Variants in ONECUT3 observed in about 807,000 individuals in gnomAD.
ONECUT3 encodes the protein one cut homeobox 3, also known as one cut domain family member 3.
A neutral mutation model predicts 16.8 loss-of-function variants in ONECUT3; 11 were observed. That is an observed-to-expected ratio of 0.66 (90% CI 0.41 to 1.09). The LOEUF (loss-of-function observed/expected upper bound fraction) is 1.09, where lower values mean the gene tolerates loss of function less well. Among genes scored for constraint, ONECUT3 ranks in the 50% least tolerant of loss-of-function variants. The pLI is 0.00. For missense variants in ONECUT3, 637 were observed against 629.9 expected, an observed-to-expected ratio of 1.01 and a Z score of -0.12; for synonymous variants, 344 against 310.7, an observed-to-expected ratio of 1.11 and a Z score of -1.13.
chr19:1,775,125 C>CGG, intron 1 of ONECUT3, 28 bp from the exon 2 acceptor site: 528 of 1,060,668 alleles, frequency 5.0e-4, no homozygotes, highest in Non-Finnish European at 6.3e-4. Flanking sequence ...GTGTCCCGCT[C>CGG]GCCCGCCCGC....
At position 1,758,368 on chromosome 19, in the gene ONECUT3, G is replaced by A. The variant is rs890063166; in HGVS notation, c.1192+3514G>A. Among the ~76,000 whole-genome samples, 10 of 150,820 alleles carry A rather than the reference G, an allele frequency of 6.6e-5. No individual in the cohort carries two copies. Among genetic ancestry groups the A allele is most frequent in the Admixed American group, 2.0e-4 (3 of 15,170 alleles). ...TGGGAGAGGAACTCTGGGTGCTGGA[G>A]GCTGCCTCTGTGTCCACCCCCGCCC... is the stretch of plus-strand genomic sequence containing the variant. On this transcript the variant is annotated intron_variant, in intron 1 of 1. Coordinates refer to ENST00000382349, the MANE Select transcript of ONECUT3 (RefSeq NM_001080488.2). The surrounding 1 kb of genome is among the most constrained non-coding windows in gnomAD (Gnocchi z 5.9).
In ONECUT3 at chr19:1,775,939, C is replaced by T. The variant is rs2068103916; in HGVS notation, c.*494C>T. 6.6e-6 allele frequency: 1 copy of T among 151,850 alleles called. No homozygotes were observed. Among genetic ancestry groups the T allele is most frequent in the Non-Finnish European group, 1.5e-5 (1 of 68,250 alleles). The allele number at this position is 151,850 out of a possible 1,614,324, so 9.4% of individuals were successfully genotyped here. On this transcript the variant is annotated 3_prime_UTR_variant, in exon 2 of 2. Coordinates refer to ENST00000382349, the MANE Select transcript of ONECUT3 (RefSeq NM_001080488.2). ...CTCCCCACCCGCCCCGGCCCCCTCC[C>T]CAGGGACCTCAGCCCTTTCCAAAGT...
In ONECUT3 at chr19:1,753,862, G is replaced by C. The variant is rs898523619; in HGVS notation, c.200G>C (p.Gly67Ala). The C allele has an allele frequency of 2.4e-4, 238 of 975,854 alleles. No homozygotes were observed. The highest frequency in any genetic ancestry group is 2.8e-4 in the Non-Finnish European group (233 of 824,278). The allele number at this position is 975,854 out of a possible 1,614,324, so 60.4% of individuals were successfully genotyped here. A position where few individuals can be genotyped will look rare whatever the true frequency, so the allele number is the denominator to read the frequency against. ...GGGGGGGGAG[G>A]AGGAGSAGGG... ...GGCGGCGGCGGTGGGGGCGCCGGGG[G>C]CGCGGGCGGCGCGGGCAGCGCGGGC... The change falls in exon 1 of 2, where the codon GGC becomes GCC. Residue 67 changes from glycine to alanine, a missense_variant. Physicochemically the swap from Gly to Ala is moderately conservative, Grantham distance 60 (BLOSUM62 0). Transcript: ENST00000382349.
rs756383731 is a variant in ONECUT3, at chr19:1,758,313, AAAAG to A, written c.1192+3461_1192+3464del. 2.9e-3 allele frequency among the ~76,000 whole-genome samples: 314 copies of A among 109,058 alleles called. 1 individual carries two copies. The highest frequency in any genetic ancestry group is 5.7e-3 in the South Asian group (18 of 3,140). 71.5% of individuals were successfully genotyped at this position (109,058 alleles called of 152,430 possible). A position where few individuals can be genotyped will look rare whatever the true frequency, so the allele number is the denominator to read the frequency against. ...AGGCAGAGAGACCAAAAAAAAAAAA[AAAAG>A]AGAGAGAGAGAGAGAGAGACAGAGA... is the stretch of plus-strand genomic sequence containing the variant. On this transcript the variant is annotated intron_variant, in intron 1 of 1. Coordinates refer to ENST00000382349, the MANE Select transcript of ONECUT3 (RefSeq NM_001080488.2). The surrounding 1 kb of genome is among the most constrained non-coding windows in gnomAD (Gnocchi z 5.9).
chr19:1,774,808 C>A (rs530201593), intron 1 of ONECUT3, among the ~76,000 whole-genome samples: 1 of 151,398 alleles, frequency 6.6e-6, no homozygotes. Context: ...CCTCCCCCCA[C>A]CCCCACCGCA....
chr19:1,772,834 C>T (rs968706691), intron 1 of ONECUT3, among the ~76,000 whole-genome samples: 5 of 149,112 alleles, frequency 3.4e-5, no homozygotes, highest in Admixed American at 6.7e-5. Context: ...GCTGGGATTA[C>T]AGGCATGCAC....
intron 1 of ONECUT3, among the ~76,000 whole-genome samples, chr19:1,767,772 A>G (rs1014409631): frequency 5.6e-4 from 86 of 152,354 alleles, no homozygotes; most frequent in African/African-American, 2.0e-3. Context: ...CAGGCCCAGG[A>G]CGGTGCCCTG....
rs1275147516 is a variant in ONECUT3 at position 1,766,342 on chromosome 19, G to A, written c.1193-8811G>A. 3.9e-5 allele frequency among the ~76,000 whole-genome samples: 6 copies of A among 152,242 alleles called. No homozygotes were observed. The South Asian group carries it at 1.0e-3, about 26-fold the overall frequency. On this transcript the variant is annotated intron_variant, in intron 1 of 1. Transcript: ENST00000382349. This position sits in a 1 kb window ranked among gnomAD's most constrained non-coding sequence, Gnocchi z 4.0. ...GTCAGGCGCGCGCAGAGGCACCCAC[G>A]GGCCCGCCTTCAGGGGCGAGGCGGA...
rs150267147 is a variant in ONECUT3, at chr19:1,779,153, TAA to T, written c.*3716_*3717del. The T allele has an allele frequency of 6.6e-6, 1 of 151,730 alleles. No homozygotes were observed. The highest frequency in any genetic ancestry group is 2.4e-5 in the African/African-American group (1 of 41,282). 9.4% of individuals were successfully genotyped at this position (151,730 alleles called of 1,614,324 possible). A position where few individuals can be genotyped will look rare whatever the true frequency, so the allele number is the denominator to read the frequency against. On this transcript the variant is annotated 3_prime_UTR_variant, in exon 2 of 2. Coordinates refer to ENST00000382349, the MANE Select transcript of ONECUT3 (RefSeq NM_001080488.2). ...ATATTTAATGTATAGTTTATGTGAT[TAA>T]AAAAAAATCCTTAGCTAGTTTTTGG...
Position 1,754,065 on chromosome 19 carries a change from G to A in ONECUT3, c.403G>A (p.Gly135Arg), listed in dbSNP as rs889776055. Residue 135 changes from glycine (G) to arginine (R), a missense_variant, in exon 1 of 2, where the codon GGG becomes AGG. Physicochemically the swap from Gly to Arg is moderately radical, Grantham distance 125 (BLOSUM62 -2). Coordinates refer to ENST00000382349, the MANE Select transcript of ONECUT3 (RefSeq NM_001080488.2). This position sits in a 1 kb window ranked among gnomAD's most constrained non-coding sequence, Gnocchi z 7.4. Reference protein sequence around the residue: ...HQHAAAAAVAGAHGGHPHAHP... With the variant: ...HQHAAAAAVARAHGGHPHAHP... ...GCACGCGGCGGCCGCGGCCGTGGCCGGGGCGCACGGCGGCCATCCCCACGC... is the reference window on the plus strand; with the variant it reads ...GCACGCGGCGGCCGCGGCCGTGGCCAGGGCGCACGGCGGCCATCCCCACGC... 3 of 996,282 alleles carry A rather than the reference G, an allele frequency of 3.0e-6. No homozygotes were observed. Among genetic ancestry groups the A allele is most frequent in the Non-Finnish European group, 3.6e-6 (3 of 838,848 alleles). The allele number at this position is 996,282 out of a possible 1,614,324, so 61.7% of individuals were successfully genotyped here.
Position 1,754,281 on chromosome 19 carries a change from CCG to C in ONECUT3, c.621_622del (p.Pro208ArgfsTer267), listed in dbSNP as rs1568591243. Reference protein sequence around the residue: ...SPLSPLPNALPPALHGAPQPP... With the variant: ...SPLSPLPNALXPALHGAPQPP... ...GCTGTCGCCGCTGCCCAACGCGCTG[CCG>C]CCCGCGCTGCACGGCGCCCCGCAGC... On this transcript the variant is annotated frameshift_variant, in exon 1 of 2. Transcript: ENST00000382349. LOFTEE classifies it high-confidence loss of function. The surrounding 1 kb of genome is among the most constrained non-coding windows in gnomAD (Gnocchi z 7.4). 1.9e-5 allele frequency: 20 copies of C among 1,056,994 alleles called. No individual in the cohort carries two copies. The highest frequency in any genetic ancestry group is 2.0e-5 in the Non-Finnish European group (18 of 880,824). 65.5% of individuals were successfully genotyped at this position (1,056,994 alleles called of 1,614,324 possible). A position where few individuals can be genotyped will look rare whatever the true frequency, so the allele number is the denominator to read the frequency against.
In ONECUT3 at chr19:1,758,528, G is replaced by T. The variant is rs898599328; in HGVS notation, c.1192+3674G>T. 2.6e-5 allele frequency among the ~76,000 whole-genome samples: 4 copies of T among 152,164 alleles called. No homozygotes were observed. The highest frequency in any genetic ancestry group is 2.0e-4 in the Admixed American group (3 of 15,288). On this transcript the variant is annotated intron_variant, in intron 1 of 1. Coordinates refer to ENST00000382349, the MANE Select transcript of ONECUT3 (RefSeq NM_001080488.2). This position sits in a 1 kb window ranked among gnomAD's most constrained non-coding sequence, Gnocchi z 5.9. ...CCCGGCCCCACTGCCCGTTCTGCGT[G>T]CCTCAGTTTACCCATCTGTAAAATG... is the stretch of plus-strand genomic sequence containing the variant.
rs2067901123 is a variant in ONECUT3, at chr19:1,753,807, G to A, written c.145G>A (p.Gly49Ser). Reference sequence around the variant, plus strand: ...GCCCGGGCGCCCGGGCCTGGTGGCCGGCATGGCGAGCCTGCTGGACGGCGG... The same window carrying A: ...GCCCGGGCGCCCGGGCCTGGTGGCCAGCATGGCGAGCCTGCTGGACGGCGG... ...VAPGRPGLVA[G>S]MASLLDGGGG... is the part of the protein sequence containing the mutation. The change falls in exon 1 of 2, where the codon GGC becomes AGC. Residue 49 changes from glycine (G) to serine (S), a missense_variant. By Grantham distance (56) the Gly-to-Ser change is moderately conservative. This residue lies in a region of ONECUT3 where 419 missense variants were observed against 377.9 expected (regional missense o/e 1.11). Transcript: ENST00000382349. The A allele has an allele frequency of 7.2e-6, 7 of 968,504 alleles. No individual in the cohort carries two copies. Among genetic ancestry groups the A allele is most frequent in the Non-Finnish European group, 8.6e-6 (7 of 816,836 alleles). 60.0% of individuals were successfully genotyped at this position (968,504 alleles called of 1,614,324 possible). A position where few individuals can be genotyped will look rare whatever the true frequency, so the allele number is the denominator to read the frequency against.
rs2067899715 is a variant in ONECUT3, at chr19:1,753,613, G to A, written c.-50G>A. ...GGCGGGAGTCATGCAGCGGCCTTGA[G>A]CACTAGGGGCCGGCGCTGAGGAGCG... is the stretch of plus-strand genomic sequence containing the variant. On this transcript the variant is annotated 5_prime_UTR_variant, in exon 1 of 2. Transcript: ENST00000382349. 2.8e-6 allele frequency: 2 copies of A among 725,864 alleles called. No individual in the cohort carries two copies. The highest frequency in any genetic ancestry group is 1.9e-5 in the African/African-American group (1 of 51,968). 45.0% of individuals were successfully genotyped at this position (725,864 alleles called of 1,614,324 possible).
rs867018467 is a variant in ONECUT3 at position 1,758,170 on chromosome 19, G to C, written c.1192+3316G>C. On this transcript the variant is annotated intron_variant, in intron 1 of 1. Transcript: ENST00000382349. The surrounding 1 kb of genome is among the most constrained non-coding windows in gnomAD (Gnocchi z 5.9). ...AGACGGGGAGATGGAGAGAGAGGGAGGGGTCGCGAGACAAAACCAGAGAGT... is the reference window on the plus strand; with the variant it reads ...AGACGGGGAGATGGAGAGAGAGGGACGGGTCGCGAGACAAAACCAGAGAGT... Among the ~76,000 whole-genome samples the C allele has an allele frequency of 1.3e-5, 2 of 152,138 alleles. No homozygotes were observed. The highest frequency in any genetic ancestry group is 4.1e-4 in the South Asian group (2 of 4,832).
At position 1,775,371 on chromosome 19, in the gene ONECUT3, A is replaced by G. The variant is rs2068096613; in HGVS notation, c.1411A>G (p.Asn471Asp). 2 of 1,523,436 alleles carry G rather than the reference A, an allele frequency of 1.3e-6. No homozygotes were observed. Among genetic ancestry groups the G allele is most frequent in the Non-Finnish European group, 1.8e-6 (2 of 1,133,246 alleles). The allele number at this position is 1,523,436 out of a possible 1,614,324, so 94.4% of individuals were successfully genotyped here. Residue 471 changes from asparagine to aspartate, a missense_variant, in exon 2 of 2, where the codon AAC becomes GAC. Physicochemically the swap from Asn to Asp is conservative, Grantham distance 23 (BLOSUM62 1). Coordinates refer to ENST00000382349, the MANE Select transcript of ONECUT3 (RefSeq NM_001080488.2). ...FFMNARRRCMNRWAEEPSTAP... is the reference protein window; with the variant it reads ...FFMNARRRCMDRWAEEPSTAP... ...CATGAACGCGCGGCGCCGCTGCATG[A>G]ACCGCTGGGCTGAGGAGCCCAGCAC...
Position 1,778,901 on chromosome 19 carries a change from CACACACACACA to C in ONECUT3, c.*3457_*3467del, listed in dbSNP as rs2068133582. ...ACACACACACACACACACACACACA[CACACACACACA>C]CCCCTACCTGTTTCCGGACCCCACC... On this transcript the variant is annotated 3_prime_UTR_variant, in exon 2 of 2. Coordinates refer to ENST00000382349, the MANE Select transcript of ONECUT3 (RefSeq NM_001080488.2). The C allele has an allele frequency of 6.5e-6, 1 of 152,868 alleles. No individual in the cohort carries two copies. Among genetic ancestry groups the C allele is most frequent in the Non-Finnish European group, 1.5e-5 (1 of 68,872 alleles). 9.5% of individuals were successfully genotyped at this position (152,868 alleles called of 1,614,324 possible).
rs1046009413 is a variant in ONECUT3, at chr19:1,779,652, G to A, written c.*4207G>A. On this transcript the variant is annotated 3_prime_UTR_variant, in exon 2 of 2. Coordinates refer to ENST00000382349, the MANE Select transcript of ONECUT3 (RefSeq NM_001080488.2). ...CATGACTAATGTACTCTTTCTTGACGCTAATTGTAATAAAGTGGTCAGGGT... is the reference window on the plus strand; with the variant it reads ...CATGACTAATGTACTCTTTCTTGACACTAATTGTAATAAAGTGGTCAGGGT... The A allele has an allele frequency of 1.5e-5, 2 of 137,632 alleles. No individual in the cohort carries two copies. The highest frequency in any genetic ancestry group is 5.1e-4 in the South Asian group (2 of 3,922). The allele number at this position is 137,632 out of a possible 1,614,324, so 8.5% of individuals were successfully genotyped here.
intron 1 of ONECUT3, among the ~76,000 whole-genome samples, chr19:1,757,482 C>G (rs1280643118): frequency 6.6e-6 from 1 of 152,244 alleles, no homozygotes; most frequent in Non-Finnish European, 1.5e-5. Flanking sequence ...CCGAGCCTCC[C>G]GCAGGGCGCT....
Sources: allele counts gnomAD v4.1 joint callset (sites outside exome capture counted in the v4.1 genomes callset), GRCh38; gene constraint gnomAD v4.1.1; regional missense constraint gnomAD v4.1.1; non-coding constraint Gnocchi (gnomAD v3.1); transcripts MANE v1.5; gene names NCBI Gene and HGNC (gene_info 2026-07-23, HGNC 2026-07-21).